Variants in PHF6 observed in about 807,000 individuals in gnomAD.
The protein encoded by PHF6 is PHD finger protein 6.
A neutral mutation model predicts 34.0 loss-of-function variants in PHF6; 7 were observed. The ratio of observed to expected loss-of-function variants is 0.21; its 90% confidence interval spans 0.12 to 0.39. The LOEUF (loss-of-function observed/expected upper bound fraction) is 0.39, where lower values mean the gene tolerates loss of function less well. Among genes scored for constraint, PHF6 ranks in the 10% least tolerant of loss-of-function variants. The probability of loss-of-function intolerance (pLI) is 1.00; values close to 1 mark genes in which losing one functional copy is unlikely to be tolerated. For synonymous variants in PHF6, 89 were observed against 88.4 expected (o/e 1.01, Z -0.04); for missense variants, 128 against 262.8 (o/e 0.49, Z 3.55).
At chrX:134,399,696 C>G (rs867236595) in intron 5 of PHF6, among the ~76,000 whole-genome samples, 1 of 109,994 alleles carries the variant, frequency 9.1e-6, no homozygotes, top group Non-Finnish European at 1.9e-5. Context: ...GACACACACA[C>G]ACACACACAC....
chrX:134,380,196 G>C (rs1254506434), intron 3 of PHF6, among the ~76,000 whole-genome samples: 2 of 105,416 alleles, frequency 1.9e-5, no homozygotes, highest in African/African-American at 7.0e-5. Context: ...GCCCAGGCTG[G>C]AGTGCAGTGG....
Position 134,413,981 on chromosome X carries a change from T to C in PHF6, c.729+15T>C. The C allele has an allele frequency of 8.3e-7, 1 of 1,206,292 alleles. No individual in the cohort carries two copies. Among genetic ancestry groups the C allele is most frequent in the Middle Eastern group, 2.3e-4 (1 of 4,336 alleles). ...ATAAGTGCATGGTAAGCATGGTTCT[T>C]TTAAGCCCAATTTTGTTTTTTTGTT... is the stretch of plus-strand genomic sequence containing the variant. On this transcript the variant is annotated intron_variant, in intron 7 of 10. Coordinates refer to ENST00000370803, the MANE Select transcript of PHF6 (RefSeq NM_001015877.2).
Position 134,426,153 on chromosome X carries a change from C to G in PHF6, c.*493C>G, listed in dbSNP as rs145137835. On this transcript the variant is annotated 3_prime_UTR_variant, in exon 11 of 11. Transcript: ENST00000370803. ...GAAGAGAACCTTCTTTTTCTCTTGA[C>G]TTTGACAGCACATGCTAAAAATCTC... 5.5e-3 allele frequency: 861 copies of G among 157,662 alleles called. 6 individuals are homozygous for G. The highest frequency in any genetic ancestry group is 0.023 in the African/African-American group (751 of 32,995). 13.0% of individuals were successfully genotyped at this position (157,662 alleles called of 1,213,427 possible). A position where few individuals can be genotyped will look rare whatever the true frequency, so the allele number is the denominator to read the frequency against.
intron 1 of PHF6, among the ~76,000 whole-genome samples, chrX:134,374,715 C>T (rs2077271256): frequency 8.9e-6 from 1 of 112,540 alleles, no homozygotes; most frequent in Non-Finnish European, 1.9e-5. Context: ...TGGTGCTTCG[C>T]AGCATCTTGG....
intron 10 of PHF6, 123 bp from the exon 11 acceptor site, chrX:134,425,538 C>G: frequency 2.4e-6 from 1 of 416,952 alleles, no homozygotes; most frequent in Non-Finnish European, 4.2e-6. Flanking sequence ...AAGCTATCTG[C>G]TTTATCAATA....
At position 134,413,547 on chromosome X, in the gene PHF6, A is replaced by G; in HGVS notation, c.475A>G (p.Lys159Glu). Residue 159 changes from lysine (K) to glutamate (E), a missense_variant, in exon 6 of 11, where the codon AAA becomes GAA. Transcript: ENST00000370803. ...HELEPSSPKSKKKSRKGRPRK... is the reference protein window; with the variant it reads ...HELEPSSPKSEKKSRKGRPRK... ...ACTGGAGCCCTCATCACCTAAAAGTAAAAAGAAAAGTCGCAAAGGAAGGCC... is the reference window on the plus strand; with the variant it reads ...ACTGGAGCCCTCATCACCTAAAAGTGAAAAGAAAAGTCGCAAAGGAAGGCC... The G allele has an allele frequency of 1.7e-6, 2 of 1,211,195 alleles. No individual in the cohort carries two copies. Among genetic ancestry groups the G allele is most frequent in the Non-Finnish European group, 2.2e-6 (2 of 895,311 alleles).
At chrX:134,400,939 A>G (rs922286332) in intron 5 of PHF6, among the ~76,000 whole-genome samples, 1 of 111,782 alleles carries the variant, frequency 8.9e-6, no homozygotes. Flanking sequence ...TTTGAGCAAG[A>G]TAGGGAGGGA....
chrX:134,407,991 G>T (rs897735372), intron 5 of PHF6, among the ~76,000 whole-genome samples: 1 of 111,919 alleles, frequency 8.9e-6, no homozygotes, highest in Non-Finnish European at 1.9e-5. Context: ...GCTGTGGCGT[G>T]ATCTCGGCTC....
At chrX:134,381,976 C>T (rs192218556) in intron 3 of PHF6, among the ~76,000 whole-genome samples, 193 of 111,432 alleles carry the variant, frequency 1.7e-3, no homozygotes, top group African/African-American at 5.7e-3. Context: ...CAAAGTTGCT[C>T]GCTTGCCCCA....
chrX:134,389,626 A>G (rs746297350), intron 3 of PHF6, among the ~76,000 whole-genome samples: 1 of 111,571 alleles, frequency 9.0e-6, no homozygotes, highest in Non-Finnish European at 1.9e-5. Context: ...AAGCTGGACT[A>G]GCCACCTATC....
chrX:134,395,826 T>C (rs991159018), intron 5 of PHF6, among the ~76,000 whole-genome samples: 1 of 112,077 alleles, frequency 8.9e-6, no homozygotes, highest in Non-Finnish European at 1.9e-5. Context: ...TAGCAAAATC[T>C]AGTCTTTAAG....
chrX:134,414,678 A>C (rs2077465518), intron 7 of PHF6, among the ~76,000 whole-genome samples: 1 of 110,968 alleles, frequency 9.0e-6, no homozygotes, highest in Admixed American at 9.7e-5. Flanking sequence ...TCTAATCTGC[A>C]TCTATGGTTG....
At chrX:134,390,278 T>C (rs1478670860) in intron 3 of PHF6, among the ~76,000 whole-genome samples, 1 of 112,174 alleles carries the variant, frequency 8.9e-6, no homozygotes, top group Non-Finnish European at 1.9e-5. Context: ...CTGCATAAAA[T>C]AGGTCCTGGG....
rs111448602 is a variant in PHF6 at position 134,400,979 on chromosome X, A to G, written c.418+7027A>G. 7.3e-3 allele frequency among the ~76,000 whole-genome samples: 822 copies of G among 112,083 alleles called. 5 individuals are homozygous for G. Among genetic ancestry groups the G allele is most frequent in the African/African-American group, 0.025 (784 of 30,839 alleles). On this transcript the variant is annotated intron_variant, in intron 5 of 10. Coordinates refer to ENST00000370803, the MANE Select transcript of PHF6 (RefSeq NM_001015877.2). Reference sequence around the variant, plus strand: ...ACAGCAGGAGAACAAGAAACAAGAAAGCATCAGTGGACTGGAGGTCCTAAT... The same window carrying G: ...ACAGCAGGAGAACAAGAAACAAGAAGGCATCAGTGGACTGGAGGTCCTAAT...
At chrX:134,380,123 T>A (rs1443522012) in intron 3 of PHF6, among the ~76,000 whole-genome samples, 1 of 109,883 alleles carries the variant, frequency 9.1e-6, no homozygotes, top group Non-Finnish European at 1.9e-5. Context: ...ATTGCGAAGT[T>A]CAGTGGAGAT....
intron 3 of PHF6, among the ~76,000 whole-genome samples, chrX:134,384,775 C>T (rs2077323942): frequency 9.1e-6 from 1 of 109,769 alleles, no homozygotes; most frequent in Non-Finnish European, 1.9e-5. Context: ...CCTCAGCCTC[C>T]CGAGTAGCTG....
chrX:134,422,689 A>G (rs775420871), intron 9 of PHF6, among the ~76,000 whole-genome samples: 1 of 111,427 alleles, frequency 9.0e-6, no homozygotes, highest in Non-Finnish European at 1.9e-5. Context: ...TATTGTCTTT[A>G]TTGTATTTTT....
At chrX:134,385,168 TTCTC>T (rs2124209297) in intron 3 of PHF6, among the ~76,000 whole-genome samples, 1 of 111,049 alleles carries the variant, frequency 9.0e-6, no homozygotes, top group African/African-American at 3.3e-5. Flanking sequence ...CCTTATCTCA[TTCTC>T]TCTCCTCTAG....
At chrX:134,380,446 G>A (rs938921881) in intron 3 of PHF6, among the ~76,000 whole-genome samples, 3 of 111,369 alleles carry the variant, frequency 2.7e-5, no homozygotes, top group Admixed American at 9.5e-5. Context: ...GGACCTATTC[G>A]TTAAAGCATC....
Sources: allele counts gnomAD v4.1 joint callset (sites outside exome capture counted in the v4.1 genomes callset), GRCh38; gene constraint gnomAD v4.1.1; transcripts MANE v1.5; gene names NCBI Gene and HGNC (gene_info 2026-07-23, HGNC 2026-07-21).